The following ZNF469 variants were observed in gnomAD, a reference collection of about 807,000 sequenced individuals.
ZNF469 encodes zinc finger protein 469.
A neutral mutation model predicts 1.0 loss-of-function variants in ZNF469; 1 was observed. The ratio of observed to expected loss-of-function variants is 1.00; its 90% CI spans 0.35 to 4.73. The LOEUF (loss-of-function observed/expected upper bound fraction) is 4.73, where lower values mean the gene tolerates loss of function less well. ZNF469 is among the 30% of genes most tolerant of loss of function. The pLI, the probability that ZNF469 is intolerant of heterozygous loss-of-function variation, is 0.16. For synonymous variants in ZNF469, 2,703 were observed against 2,363.4 expected, an observed-to-expected ratio of 1.14 and a Z score of -4.17; for missense variants, 6,100 against 5,356.3, an observed-to-expected ratio of 1.14 and a Z score of -4.33.
chr16:88,157,624 G>A, the ZNF469 span, among the ~76,000 whole-genome samples: 5 of 151,982 alleles, frequency 3.3e-5, no homozygotes, highest in African/African-American at 9.7e-5. Context: ...TCAGGGGCTG[G>A]AAGTGCCATA....
the ZNF469 span, among the ~76,000 whole-genome samples, chr16:88,268,309 C>T: frequency 1.2e-4 from 18 of 152,048 alleles, no homozygotes; most frequent in Non-Finnish European, 2.4e-4. Context: ...TGACGTTGGT[C>T]TGTACATCAA....
At chr16:88,125,141 C>T in the ZNF469 span, among the ~76,000 whole-genome samples, 1 of 152,082 alleles carries the variant, frequency 6.6e-6, no homozygotes, top group African/African-American at 2.4e-5. Flanking sequence ...AATGTTCTTT[C>T]CTCACAGAAT....
At position 88,432,679 on chromosome 16, in the gene ZNF469, A is replaced by G; in HGVS notation, c.5209A>G (p.Ser1737Gly). The G allele has an allele frequency of 6.5e-7, 1 of 1,550,374 alleles. No homozygotes were observed. ...GCCTGGCCCACAGCTGGATGCCGGGAGTTTAGCAAAGTGCAGCCCCGACCA... is the reference window on the plus strand; with the variant it reads ...GCCTGGCCCACAGCTGGATGCCGGGGGTTTAGCAAAGTGCAGCCCCGACCA... ...KQPGPQLDAG[S>G]LAKCSPDQEL... is the part of the protein sequence containing the mutation. The change falls in exon 3 of 3, where the codon AGT becomes GGT. Residue 1737 changes from serine (S) to glycine (G), a missense_variant. Ser to Gly is a moderately conservative substitution (Grantham distance 56). Transcript: ENST00000565624.
the ZNF469 span, among the ~76,000 whole-genome samples, chr16:88,133,189 A>G: frequency 0.034 from 5,109 of 152,116 alleles, no homozygotes; most frequent in African/African-American, 0.11. Context: ...CGGGCACTGA[A>G]ACAGGGCCCT....
the ZNF469 span, among the ~76,000 whole-genome samples, chr16:88,309,515 T>A: frequency 7.4e-6 from 1 of 135,358 alleles, no homozygotes; most frequent in Non-Finnish European, 1.5e-5. Flanking sequence ...GAGTGCCCTC[T>A]GAGGTCCCGT....
the ZNF469 span, among the ~76,000 whole-genome samples, chr16:88,224,504 C>T: frequency 1.4e-4 from 21 of 152,198 alleles, no homozygotes; most frequent in African/African-American, 2.6e-4. Context: ...GGAATGTGGA[C>T]GGGGTTGGGG....
chr16:88,170,562 C>T, the ZNF469 span, among the ~76,000 whole-genome samples: 2 of 152,176 alleles, frequency 1.3e-5, no homozygotes, highest in Non-Finnish European at 2.9e-5. The surrounding 1 kb of genome is among the most constrained non-coding windows in gnomAD (Gnocchi z 4.2). Flanking sequence ...TGGCTCATTT[C>T]ACTTGGCATG....
At position 88,430,734 on chromosome 16, in the gene ZNF469, G is replaced by A. The variant is rs1339157257; in HGVS notation, c.3264G>A (p.Arg1088=). ...GRPRPGAEDR[R]LREYDFASES... ...CCCGGCCCGGAGCTGAGGACCGCAG[G>A]CTCCGCGAGTACGACTTCGCCTCGG... The change falls in exon 3 of 3, where the codon AGG becomes AGA. Residue 1088 remains arginine, a synonymous_variant. Transcript: ENST00000565624. The A allele has an allele frequency of 2.0e-5, 30 of 1,499,758 alleles. 1 individual carries two copies. The East Asian group carries it at 4.8e-4, about 24-fold the overall frequency. The allele number at this position is 1,499,758 out of a possible 1,614,324, so 92.9% of individuals were successfully genotyped here. A position where few individuals can be genotyped will look rare whatever the true frequency, so the allele number is the denominator to read the frequency against.
At chr16:88,318,507 C>T in the ZNF469 span, among the ~76,000 whole-genome samples, 226 of 151,878 alleles carry the variant, frequency 1.5e-3, no homozygotes, top group African/African-American at 4.9e-3. Context: ...ATTCTCCCCC[C>T]AGCCCTTTAG....
At chr16:88,387,277 G>A (rs1904361735) in intron 1 of ZNF469, among the ~76,000 whole-genome samples, 1 of 152,176 alleles carries the variant, frequency 6.6e-6, no homozygotes, top group South Asian at 2.1e-4. Flanking sequence ...AGGTGCTATC[G>A]GCCGTCCAGC....
At chr16:88,166,906 T>C in the ZNF469 span, among the ~76,000 whole-genome samples, 1 of 152,150 alleles carries the variant, frequency 6.6e-6, no homozygotes, top group Non-Finnish European at 1.5e-5. This position sits in a 1 kb window ranked among gnomAD's most constrained non-coding sequence, Gnocchi z 4.5. Flanking sequence ...CATTTCTATA[T>C]GTGTGATTTT....
At chr16:88,202,228 CAT>C in the ZNF469 span, among the ~76,000 whole-genome samples, 2 of 152,342 alleles carry the variant, frequency 1.3e-5, no homozygotes, top group African/African-American at 4.8e-5. Context: ...CCACACCAGT[CAT>C]GTGGTGGCTG....
chr16:88,158,132 G>C, the ZNF469 span, among the ~76,000 whole-genome samples: 1 of 151,948 alleles, frequency 6.6e-6, no homozygotes, highest in African/African-American at 2.4e-5. Flanking sequence ...GGTCCAGGGA[G>C]GGACCTGAGA....
At chr16:88,185,256 C>T in the ZNF469 span, among the ~76,000 whole-genome samples, 14 of 152,174 alleles carry the variant, frequency 9.2e-5, no homozygotes, top group South Asian at 6.2e-4. Context: ...CTGATGCACA[C>T]GAACACAGGC....
At chr16:88,412,151 A>T (rs1219041813) in intron 1 of ZNF469, among the ~76,000 whole-genome samples, 1 of 151,710 alleles carries the variant, frequency 6.6e-6, no homozygotes, top group Non-Finnish European at 1.5e-5. Context: ...GGAGCCCACC[A>T]CGCCCCCTGT....
chr16:88,262,329 G>C, the ZNF469 span, among the ~76,000 whole-genome samples: 1 of 152,232 alleles, frequency 6.6e-6, no homozygotes, highest in African/African-American at 2.4e-5. The surrounding 1 kb of genome is among the most constrained non-coding windows in gnomAD (Gnocchi z 4.3). Context: ...AGGCAGCCTG[G>C]CTGCTCAAAG....
the ZNF469 span, among the ~76,000 whole-genome samples, chr16:88,343,994 G>A: frequency 6.6e-6 from 1 of 152,094 alleles, no homozygotes; most frequent in Non-Finnish European, 1.5e-5. Flanking sequence ...GTGGATCCTG[G>A]ACGGGACATG....
At chr16:88,149,471 C>T in the ZNF469 span, among the ~76,000 whole-genome samples, 1 of 152,228 alleles carries the variant, frequency 6.6e-6, no homozygotes, top group African/African-American at 2.4e-5. Flanking sequence ...CAACCGCAGC[C>T]TGAGTGCAGA....
chr16:88,143,665 C>T, the ZNF469 span, among the ~76,000 whole-genome samples: 21 of 152,370 alleles, frequency 1.4e-4, no homozygotes, highest in African/African-American at 4.8e-4. Context: ...TGACGTCTGT[C>T]TCTTGCTGTT....
Sources: gnomAD v4.1 joint callset for allele counts (sites outside exome capture counted in the v4.1 genomes callset) on GRCh38, gnomAD v4.1.1 for gene constraint, Gnocchi (gnomAD v3.1) non-coding constraint, MANE v1.5 for transcripts, NCBI Gene and HGNC (gene_info 2026-07-23, HGNC 2026-07-21) for gene names.